The following VWC2 variants were observed in gnomAD, a reference collection of about 807,000 sequenced individuals.
VWC2 encodes von Willebrand factor C domain containing 2.
A neutral mutation model predicts 29.8 loss-of-function variants in VWC2; 14 were observed. The observed-to-expected ratio is 0.47, with a 90% CI of 0.31 to 0.74. The LOEUF (loss-of-function observed/expected upper bound fraction) is 0.74. Ranked by LOEUF, VWC2 falls within the 30% of genes least tolerant of loss-of-function variation. The pLI is 0.05. For synonymous variants in VWC2, 213 were observed against 199.0 expected (o/e 1.07, Z -0.59); for missense variants, 457 against 459.8 (o/e 0.99, Z 0.05).
intron 3 of VWC2, among the ~76,000 whole-genome samples, chr7:49,858,316 C>T (rs1180688776): frequency 1.3e-5 from 2 of 151,966 alleles, no homozygotes; most frequent in African/African-American, 2.4e-5. Context: ...AAATGTCCAA[C>T]AATGATAGAC....
chr7:49,819,695 T>G lies in VWC2; in HGVS notation c.826+16855T>G, dbSNP rs868161689. ...CAGCTGATAACAAGGAACAGTAAAT[T>G]TTTAGAGAAGTAAGGAGACAAAAGA... On this transcript the variant is annotated intron_variant, in intron 3 of 3. Transcript: ENST00000340652. 2.0e-5 allele frequency among the ~76,000 whole-genome samples: 3 copies of G among 152,230 alleles called. No homozygotes were observed. The East Asian group carries it at 5.8e-4, about 29-fold the overall frequency.
At chr7:49,851,253 C>T (rs1790168575) in intron 3 of VWC2, among the ~76,000 whole-genome samples, 1 of 152,268 alleles carries the variant, frequency 6.6e-6, no homozygotes, top group African/African-American at 2.4e-5. Context: ...GATTTAGGGC[C>T]ACTTGGGTAA....
intron 3 of VWC2, among the ~76,000 whole-genome samples, chr7:49,829,488 A>G (rs1216439321): frequency 6.6e-6 from 1 of 152,200 alleles, no homozygotes; most frequent in African/African-American, 2.4e-5. Context: ...CTGGCAGGGT[A>G]TCTGGGCATT....
chr7:49,775,777 C>CGGG lies in VWC2; in HGVS notation c.344_346dup (p.Gly115dup). The stretch of plus-strand genomic sequence containing the variant: ...CCGGGGATCTGCAGGTCCGGCCCCG[C>CGGG]GGGGACACCCCGCAGGCGGAAGCCC... On this transcript the variant is annotated inframe_insertion, in exon 2 of 4. Transcript: ENST00000340652. 1 of 1,520,580 alleles carries CGGG rather than the reference C, an allele frequency of 6.6e-7. No individual in the cohort carries two copies. Among genetic ancestry groups the CGGG allele is most frequent in the East Asian group, 2.5e-5 (1 of 39,920 alleles). The allele number at this position is 1,520,580 out of a possible 1,614,324, so 94.2% of individuals were successfully genotyped here.
intron 2 of VWC2, 55 bp downstream of exon 2, chr7:49,776,186 A>G (rs2128700491): frequency 7.0e-7 from 1 of 1,424,376 alleles, no homozygotes; most frequent in Admixed American, 2.3e-5. Flanking sequence ...GGGGTGGAAC[A>G]GCTTTGGTTC....
At chr7:49,801,982 T>C (rs1788748487) in intron 2 of VWC2, among the ~76,000 whole-genome samples, 2 of 152,374 alleles carry the variant, frequency 1.3e-5, no homozygotes, top group South Asian at 4.1e-4. Context: ...ACTGGGAGTG[T>C]TCCATGTGAG....
chr7:49,865,832 G>C (rs1790862076), intron 3 of VWC2, among the ~76,000 whole-genome samples: 1 of 152,134 alleles, frequency 6.6e-6, no homozygotes, highest in Non-Finnish European at 1.5e-5. Context: ...CTCATTCCAT[G>C]CAACCTCAGT....
intron 3 of VWC2, among the ~76,000 whole-genome samples, chr7:49,859,115 G>A (rs888437935): frequency 1.8e-4 from 27 of 152,170 alleles, no homozygotes; most frequent in Middle Eastern, 3.2e-3. Context: ...TACCTTAGAG[G>A]AGAATTTCAC....
At chr7:49,857,156 AC>A (rs1790459690) in intron 3 of VWC2, among the ~76,000 whole-genome samples, 1 of 152,040 alleles carries the variant, frequency 6.6e-6, no homozygotes, top group South Asian at 2.1e-4. Flanking sequence ...CATAACTGAA[AC>A]TTTATACCCA....
At chr7:49,802,970 A>G in intron 3 of VWC2, 130 bp downstream of exon 3, 14 of 1,151,764 alleles carry the variant, frequency 1.2e-5, no homozygotes, top group Non-Finnish European at 1.6e-5. Context: ...ACATGCGTAC[A>G]CACGTGTGTA....
chr7:49,822,722 G>GTTATTTTTAACCTGTGC (rs1789291580), intron 3 of VWC2, among the ~76,000 whole-genome samples: 2 of 152,172 alleles, frequency 1.3e-5, no homozygotes. Context: ...TATCACTGTG[G>GTTATTTTTAACCTGTGC]TTATTTTTAA....
At chr7:49,858,607 T>C (rs62456372) in intron 3 of VWC2, among the ~76,000 whole-genome samples, 28,302 of 150,394 alleles carry the variant, frequency 0.19, 3,666 homozygotes, top group East Asian at 0.63. Context: ...TAATGTTAAA[T>C]GACGAGTTAA....
At chr7:49,805,377 C>A (rs1230944099) in intron 3 of VWC2, among the ~76,000 whole-genome samples, 1 of 152,118 alleles carries the variant, frequency 6.6e-6, no homozygotes, top group Non-Finnish European at 1.5e-5. Context: ...TATTATAAGG[C>A]TTGATGCAGT....
In VWC2 at chr7:49,914,767, C is replaced by T. The variant is rs944912263; in HGVS notation, c.*2582C>T. The T allele has an allele frequency of 2.6e-5, 4 of 152,078 alleles. No individual in the cohort carries two copies. The highest frequency in any genetic ancestry group is 9.7e-5 in the African/African-American group (4 of 41,388). The allele number at this position is 152,078 out of a possible 1,614,324, so 9.4% of individuals were successfully genotyped here. A position where few individuals can be genotyped will look rare whatever the true frequency, so the allele number is the denominator to read the frequency against. On this transcript the variant is annotated 3_prime_UTR_variant, in exon 4 of 4. Coordinates refer to ENST00000340652, the MANE Select transcript of VWC2 (RefSeq NM_198570.5). ...ACAAACTGTTCTATTCAATAAATAA[C>T]CTGAATAACTGCCCAATAAAAAAGG... is the stretch of plus-strand genomic sequence containing the variant.
At chr7:49,853,875 C>T (rs1314177904) in intron 3 of VWC2, among the ~76,000 whole-genome samples, 2 of 133,454 alleles carry the variant, frequency 1.5e-5, no homozygotes, top group African/African-American at 5.6e-5. Context: ...TCCCCCCACC[C>T]CACAACAGGC....
intron 3 of VWC2, among the ~76,000 whole-genome samples, chr7:49,841,189 T>G (rs542109451): frequency 6.6e-6 from 1 of 152,224 alleles, no homozygotes; most frequent in African/African-American, 2.4e-5. Context: ...CAGACTCAAG[T>G]AACCAAAGCA....
At chr7:49,883,244 G>A (rs891914910) in intron 3 of VWC2, among the ~76,000 whole-genome samples, 1 of 152,102 alleles carries the variant, frequency 6.6e-6, no homozygotes, top group East Asian at 1.9e-4. Context: ...ACCCAGGGAG[G>A]CGTCTTTCCA....
intron 3 of VWC2, among the ~76,000 whole-genome samples, chr7:49,843,865 G>A (rs1196914438): frequency 6.6e-6 from 1 of 152,090 alleles, no homozygotes; most frequent in African/African-American, 2.4e-5. Flanking sequence ...AGGATGAATG[G>A]AAAAAAGAAG....
At chr7:49,897,504 T>TA (rs1359379324) in intron 3 of VWC2, among the ~76,000 whole-genome samples, 3 of 152,202 alleles carry the variant, frequency 2.0e-5, no homozygotes, top group African/African-American at 7.2e-5. Flanking sequence ...CACTGATCAA[T>TA]AGAGTTTCCA....
Sources: gnomAD v4.1 joint callset for allele counts (sites outside exome capture counted in the v4.1 genomes callset) on GRCh38, gnomAD v4.1.1 for gene constraint, MANE v1.5 for transcripts, NCBI Gene and HGNC (gene_info 2026-07-23, HGNC 2026-07-21) for gene names.